The following HDAC9 variants were observed in gnomAD, a reference collection of about 807,000 sequenced individuals.
HDAC9 encodes the protein MEF-2 interacting transcription repressor (MITR) protein.
Under a neutral mutation model 139.4 loss-of-function variants are expected in HDAC9, and 41 were observed. The ratio of observed to expected loss-of-function variants is 0.29; its 90% CI spans 0.23 to 0.38. The LOEUF is 0.38. Among genes scored for constraint, HDAC9 ranks in the 10% least tolerant of loss-of-function variants. The pLI is 1.00. For missense variants in HDAC9, 1,147 were observed against 1,297.0 expected, an observed-to-expected ratio of 0.88 and a Z score of 1.78; for synonymous variants, 517 against 476.2, an observed-to-expected ratio of 1.09 and a Z score of -1.12.
chr7:18,092,412 TAAA>T (rs67749571), intron 1 of HDAC9, among the ~76,000 whole-genome samples: 2 of 117,456 alleles, frequency 1.7e-5, no homozygotes, highest in African/African-American at 5.8e-5. Flanking sequence ...TTTTTTTTTT[TAAA>T]AAAAAGAACC....
intron 1 of HDAC9, among the ~76,000 whole-genome samples, chr7:18,323,334 T>C (rs1362289124): frequency 6.6e-6 from 1 of 152,206 alleles, no homozygotes; most frequent in East Asian, 1.9e-4. Context: ...ATTATTACAG[T>C]AGCCTCTGAC....
chr7:18,882,645 C>CAAA lies in HDAC9; in HGVS notation c.2803+8060_2803+8062dup, dbSNP rs11394184. Among the ~76,000 whole-genome samples the CAAA allele has an allele frequency of 1.1e-3, 142 of 128,048 alleles. 2 individuals carry two copies. Among genetic ancestry groups the CAAA allele is most frequent in the African/African-American group, 3.6e-3 (128 of 35,592 alleles). 84.0% of individuals were successfully genotyped at this position (128,048 alleles called of 152,430 possible). A position where few individuals can be genotyped will look rare whatever the true frequency, so the allele number is the denominator to read the frequency against. On this transcript the variant is annotated intron_variant, in intron 22 of 25. Transcript: ENST00000686413. Reference sequence around the variant, plus strand: ...TAATCAAGTTAGTTTCCTAATCAGCCAAAAAAAAAAAAAGTGGGTGGGGAA... The same window carrying CAAA: ...TAATCAAGTTAGTTTCCTAATCAGCCAAAAAAAAAAAAAAAAGTGGGTGGGGAA...
At chr7:18,228,833 T>C (rs1274632521) in intron 2 of HDAC9, among the ~76,000 whole-genome samples, 1 of 152,162 alleles carries the variant, frequency 6.6e-6, no homozygotes, top group African/African-American at 2.4e-5. Context: ...TAGCCTGTTA[T>C]CTTTATAAGT....
intron 22 of HDAC9, among the ~76,000 whole-genome samples, chr7:18,918,755 A>G (rs1190006517): frequency 2.0e-5 from 3 of 152,084 alleles, no homozygotes; most frequent in Non-Finnish European, 4.4e-5. Flanking sequence ...TGAATCAACT[A>G]GCTGAAATGA....
rs1321746854 is a variant in HDAC9 at position 18,590,422 on chromosome 7, A to T, written c.351A>T (p.Glu117Asp). 23 of 1,609,032 alleles carry T rather than the reference A, an allele frequency of 1.4e-5. No individual in the cohort carries two copies. The highest frequency in any genetic ancestry group is 2.0e-5 in the Non-Finnish European group (23 of 1,177,568). Reference sequence around the variant, plus strand: ...TGGAGCAGCAGAGGCAAGAACAGGAAGTAGAGAGGCATCGCAGAGAACAGC... The same window carrying T: ...TGGAGCAGCAGAGGCAAGAACAGGATGTAGAGAGGCATCGCAGAGAACAGC... ...QKLEQQRQEQ[E>D]VERHRREQQL... is the part of the protein sequence containing the mutation. The change falls in exon 4 of 26, where the codon GAA becomes GAT. Residue 117 changes from glutamate (E) to aspartate (D), a missense_variant. By Grantham distance (45) the Glu-to-Asp change is conservative. This residue lies in a region of HDAC9 where 136 missense variants were observed against 183.5 expected (regional missense o/e 0.74). Transcript: ENST00000686413.
At chr7:18,480,550 G>A (rs1795471251) in intron 1 of HDAC9, among the ~76,000 whole-genome samples, 1 of 152,188 alleles carries the variant, frequency 6.6e-6, no homozygotes, top group African/African-American at 2.4e-5. Context: ...AGATACCTGG[G>A]GGATAGAGCT....
rs139526751 is a variant in HDAC9, at chr7:18,226,287, A to C, written c.25+63938A>C. ...AATATTAAACCCCAGAATCAGAGAG[A>C]TGTACCCATCCAGTTTTGGGAGTGG... On this transcript the variant is annotated intron_variant, in intron 2 of 12. Coordinates refer to the HDAC9 transcript ENST00000417496. Among the ~76,000 whole-genome samples the C allele has an allele frequency of 3.3e-5, 5 of 152,162 alleles. 1 individual carries two copies. Among genetic ancestry groups the C allele is most frequent in the African/African-American group, 1.2e-4 (5 of 41,436 alleles).
At chr7:18,373,812 A>G (rs919732429) in intron 1 of HDAC9, among the ~76,000 whole-genome samples, 2 of 152,120 alleles carry the variant, frequency 1.3e-5, no homozygotes, top group African/African-American at 2.4e-5. Context: ...TTTTTCTGGC[A>G]TTTAAGTCAT....
intron 21 of HDAC9, among the ~76,000 whole-genome samples, chr7:18,859,266 TAGAAGAAA>T (rs1797910340): frequency 6.6e-6 from 1 of 152,140 alleles, no homozygotes; most frequent in Non-Finnish European, 1.5e-5. Context: ...TTGTTGTTGC[TAGAAGAAA>T]AGAGTTTCCT....
At chr7:18,403,094 G>T (rs1245125461) in intron 1 of HDAC9, among the ~76,000 whole-genome samples, 2 of 152,118 alleles carry the variant, frequency 1.3e-5, no homozygotes, top group Non-Finnish European at 2.9e-5. Flanking sequence ...CATGTTTTGA[G>T]AATTGGATAT....
chr7:18,700,493 G>A (rs753712673), intron 12 of HDAC9, among the ~76,000 whole-genome samples: 1 of 152,166 alleles, frequency 6.6e-6, no homozygotes, highest in African/African-American at 2.4e-5. Flanking sequence ...CTGTGTGTTG[G>A]TAACAGTTTT....
chr7:18,819,160 A>G (rs564967268), intron 17 of HDAC9, among the ~76,000 whole-genome samples: 57 of 152,274 alleles, frequency 3.7e-4, no homozygotes, highest in African/African-American at 1.3e-3. Flanking sequence ...CGCACTTGCA[A>G]TCCCAGCTAC....
intron 2 of HDAC9, among the ~76,000 whole-genome samples, chr7:18,279,186 T>C (rs192711993): frequency 3.3e-5 from 5 of 152,264 alleles, no homozygotes; most frequent in Admixed American, 3.3e-4. Flanking sequence ...TTAAACGTAC[T>C]TGACACAACA....
intron 2 of HDAC9, among the ~76,000 whole-genome samples, chr7:18,510,924 A>G (rs1801316086): frequency 1.3e-5 from 2 of 152,308 alleles, no homozygotes; most frequent in South Asian, 4.1e-4. Flanking sequence ...TTAAAACAGC[A>G]TAAATTAGGA....
intron 25 of HDAC9, among the ~76,000 whole-genome samples, chr7:18,979,020 A>T (rs1784729743): frequency 6.6e-6 from 1 of 152,212 alleles, no homozygotes; most frequent in Admixed American, 6.5e-5. Context: ...TTGACCTGTA[A>T]ATCGTGTTAC....
chr7:18,430,313 T>C (rs1006449037), intron 1 of HDAC9, among the ~76,000 whole-genome samples: 2 of 152,136 alleles, frequency 1.3e-5, no homozygotes, highest in African/African-American at 4.8e-5. Context: ...AGCCTCAAAC[T>C]CCTGGGCCGA....
chr7:18,264,427 T>G (rs576368225), intron 2 of HDAC9, among the ~76,000 whole-genome samples: 90 of 152,160 alleles, frequency 5.9e-4, no homozygotes, highest in African/African-American at 2.1e-3. Context: ...AACCAATAGG[T>G]CAAAGAACAA....
intron 1 of HDAC9, among the ~76,000 whole-genome samples, chr7:18,323,975 G>A (rs923204628): frequency 8.6e-5 from 13 of 151,456 alleles, no homozygotes; most frequent in African/African-American, 3.2e-4. Context: ...TGACTGAAGG[G>A]GTGAGGGAGT....
intron 6 of HDAC9, among the ~76,000 whole-genome samples, chr7:18,605,829 C>G (rs1039646529): frequency 6.6e-6 from 1 of 152,112 alleles, no homozygotes; most frequent in African/African-American, 2.4e-5. Flanking sequence ...TACAGGCGCC[C>G]TCCACCATGC....
Sources: gnomAD v4.1 joint callset for allele counts (sites outside exome capture counted in the v4.1 genomes callset) on GRCh38, gnomAD v4.1.1 for gene constraint, gnomAD v4.1.1 regional missense constraint, MANE v1.5 for transcripts, NCBI Gene and HGNC (gene_info 2026-07-23, HGNC 2026-07-21) for gene names.